Variants in OR8B3 observed in about 807,000 individuals in gnomAD.
The protein encoded by OR8B3 is olfactory receptor family 8 subfamily B member 3.
For missense variants in OR8B3, 278 were observed against 377.6 expected, an observed-to-expected ratio of 0.74 and a Z score of 2.19; for synonymous variants, 102 against 135.4, an observed-to-expected ratio of 0.75 and a Z score of 1.71.
At chr11:124,400,714 T>C (rs1328881370), upstream of OR8B3, among the ~76,000 whole-genome samples, 1 of 151,774 alleles carries the variant, frequency 6.6e-6, no homozygotes, top group African/African-American at 2.4e-5. Context: ...AATCTTTTTT[T>C]ATTTTTGTAG....
upstream of OR8B3, among the ~76,000 whole-genome samples, chr11:124,403,797 C>T (rs1354531334): frequency 5.9e-5 from 9 of 152,182 alleles, no homozygotes; most frequent in Middle Eastern, 3.4e-3. Flanking sequence ...GCCGAGATCA[C>T]GCCACTGCAC....
upstream of OR8B3, among the ~76,000 whole-genome samples, chr11:124,403,574 T>C (rs510018): frequency 0.33 from 48,862 of 150,156 alleles, 7,916 homozygotes; most frequent in African/African-American, 0.39. Context: ...GCAGAGACGA[T>C]CCTCACTTCC....
chr11:124,409,245 A>T, the OR8B3 span, among the ~76,000 whole-genome samples: 1 of 152,254 alleles, frequency 6.6e-6, no homozygotes, highest in East Asian at 1.9e-4. Flanking sequence ...TGTACCTTGT[A>T]CAAATTTCTG....
chr11:124,402,905 T>C (rs967219068), upstream of OR8B3, among the ~76,000 whole-genome samples: 2 of 151,434 alleles, frequency 1.3e-5, no homozygotes, highest in Admixed American at 1.3e-4. Context: ...CATAGGACAA[T>C]AGTGGAGGGA....
At chr11:124,408,176 G>A in the OR8B3 span, among the ~76,000 whole-genome samples, 1 of 152,042 alleles carries the variant, frequency 6.6e-6, no homozygotes. Flanking sequence ...TTTTTGTTTT[G>A]TAATTTTTAA....
chr11:124,407,001 G>T, the OR8B3 span, among the ~76,000 whole-genome samples: 1 of 151,550 alleles, frequency 6.6e-6, no homozygotes, highest in African/African-American at 2.4e-5. Context: ...AATGTTTTTG[G>T]GGGCTCTCAT....
chr11:124,397,168 A>G lies in OR8B3; in HGVS notation c.184T>C (p.Phe62Leu). The change falls in exon 2 of 2, where the codon TTC (phenylalanine) becomes CTC (leucine). Residue 62 changes from phenylalanine (F) to leucine (L), a missense_variant. By Grantham distance (22) the Phe-to-Leu change is conservative (BLOSUM62 0). Coordinates refer to ENST00000641139, the MANE Select transcript of OR8B3 (RefSeq NM_001005467.2). Reference sequence around the variant, plus strand: ...TCAATGAAGGAGAGATTGAAGAGGAAATAGTACATTGGTGTGTGGAGGTGA... The same window carrying G: ...TCAATGAAGGAGAGATTGAAGAGGAGATAGTACATTGGTGTGTGGAGGTGA... Reference protein sequence around the residue: ...NSHLHTPMYYFLFNLSFIDLC... With the variant: ...NSHLHTPMYYLLFNLSFIDLC... 1 of 1,612,660 alleles carries G rather than the reference A, an allele frequency of 6.2e-7. No homozygotes were observed. Among genetic ancestry groups the G allele is most frequent in the Non-Finnish European group, 8.5e-7 (1 of 1,179,712 alleles).
upstream of OR8B3, among the ~76,000 whole-genome samples, chr11:124,402,833 TTC>T (rs1439805296): frequency 2.2e-4 from 13 of 60,240 alleles, no homozygotes; most frequent in Admixed American, 1.8e-3. Flanking sequence ...TAAATGATGC[TTC>T]TTTTTTTTTT....
At chr11:124,398,071 A>G (rs936085579) in intron 1 of OR8B3, among the ~76,000 whole-genome samples, 1 of 152,114 alleles carries the variant, frequency 6.6e-6, no homozygotes, top group Non-Finnish European at 1.5e-5. Context: ...CAGGTAAGGG[A>G]GGATTCCTTT....
At chr11:124,404,754 C>G in the OR8B3 span, 1 of 152,188 alleles carries the variant, frequency 6.6e-6, no homozygotes, top group South Asian at 2.1e-4. Context: ...CTACAAGCAT[C>G]TTGGCTGAGA....
the OR8B3 span, among the ~76,000 whole-genome samples, chr11:124,406,850 A>G: frequency 6.6e-6 from 1 of 151,882 alleles, no homozygotes; most frequent in Non-Finnish European, 1.5e-5. Flanking sequence ...TCCTTGTAAT[A>G]TGGCTTATAA....
rs201661436 is a variant in OR8B3 at position 124,396,801 on chromosome 11, A to AG, written c.550dup (p.Leu184ProfsTer23). 75,939 of 1,609,946 alleles carry AG rather than the reference A, an allele frequency of 0.047. 2,369 individuals carry two copies. The highest frequency in any genetic ancestry group is 0.1 in the South Asian group (9,212 of 90,852). On this transcript the variant is annotated frameshift_variant, in exon 2 of 2. Transcript: ENST00000641139. LOFTEE classifies it low-confidence loss of function (END_TRUNC). ...GGTGCTGGTGCAGGAAAGCTGGAGG[A>AG]GGGGGAGTATGTCACACAAGTAATG...
chr11:124,407,590 AT>A, the OR8B3 span, among the ~76,000 whole-genome samples: 1 of 152,012 alleles, frequency 6.6e-6, no homozygotes, highest in Admixed American at 6.6e-5. Flanking sequence ...ATTACATTTA[AT>A]TTTCAATTCT....
At chr11:124,407,671 G>C in the OR8B3 span, among the ~76,000 whole-genome samples, 2 of 151,900 alleles carry the variant, frequency 1.3e-5, no homozygotes, top group Non-Finnish European at 1.5e-5. Context: ...TTAATTTCTA[G>C]AGAAAATGTA....
upstream of OR8B3, among the ~76,000 whole-genome samples, chr11:124,403,858 C>T (rs1281165664): frequency 6.6e-6 from 1 of 152,168 alleles, no homozygotes. Context: ...CGTCTGCAAT[C>T]CCGGCACCTC....
chr11:124,404,829 C>T, the OR8B3 span: 3 of 152,158 alleles, frequency 2.0e-5, no homozygotes, highest in East Asian at 1.9e-4. Context: ...AATATAGCTA[C>T]GTTGGCCATC....
At chr11:124,400,522 T>C (rs1431098498), upstream of OR8B3, among the ~76,000 whole-genome samples, 1 of 152,130 alleles carries the variant, frequency 6.6e-6, no homozygotes, top group Non-Finnish European at 1.5e-5. Flanking sequence ...TTTGTTTTTT[T>C]TCTTTTTATT....
upstream of OR8B3, among the ~76,000 whole-genome samples, chr11:124,403,854 C>T (rs1861039346): frequency 6.6e-6 from 1 of 152,260 alleles, no homozygotes; most frequent in Non-Finnish European, 1.5e-5. Flanking sequence ...ACTCCGTCTG[C>T]AATCCCGGCA....
chr11:124,400,043 T>C (rs11219635), upstream of OR8B3, among the ~76,000 whole-genome samples: 7,026 of 152,230 alleles, frequency 0.046, 546 homozygotes, highest in African/African-American at 0.16. Context: ...GTATTTTTTA[T>C]AGAGACAGGA....
Sources: allele counts gnomAD v4.1 joint callset (sites outside exome capture counted in the v4.1 genomes callset), GRCh38; gene constraint gnomAD v4.1.1; transcripts MANE v1.5; gene names NCBI Gene and HGNC (gene_info 2026-07-23, HGNC 2026-07-21).